The following ZRANB1 variants were observed in gnomAD, a reference collection of about 807,000 sequenced individuals.
ZRANB1 encodes the protein ubiquitin thioesterase ZRANB1.
Under a neutral mutation model 80.5 loss-of-function variants are expected in ZRANB1, and 16 were observed. The observed-to-expected ratio is 0.20, with a 90% CI of 0.13 to 0.30. The LOEUF (loss-of-function observed/expected upper bound fraction) is 0.30, where lower values mean the gene tolerates loss of function less well. Ranked by LOEUF, ZRANB1 falls within the 10% of genes least tolerant of loss-of-function variation. The pLI is 1.00. For synonymous variants in ZRANB1, 291 were observed against 293.1 expected, an observed-to-expected ratio of 0.99 and a Z score of 0.07; for missense variants, 576 against 862.6, an observed-to-expected ratio of 0.67 and a Z score of 4.16.
At chr10:124,929,560 G>A in the ZRANB1 span, among the ~76,000 whole-genome samples, 1 of 151,256 alleles carries the variant, frequency 6.6e-6, no homozygotes, top group Non-Finnish European at 1.5e-5. Flanking sequence ...GGTTGGTCTC[G>A]ATCTCCTGAC....
At chr10:124,928,716 G>A in the ZRANB1 span, among the ~76,000 whole-genome samples, 4 of 152,188 alleles carry the variant, frequency 2.6e-5, no homozygotes, top group Non-Finnish European at 5.9e-5. Flanking sequence ...TTCTATTTAC[G>A]CTCTAGTGTG....
chr10:124,919,479 G>A, the ZRANB1 span, among the ~76,000 whole-genome samples: 1 of 152,110 alleles, frequency 6.6e-6, no homozygotes, highest in East Asian at 2.0e-4. Context: ...CGCCGGAGGC[G>A]GAGGTTGCTG....
At chr10:124,972,628 T>A (rs1376381713) in intron 3 of ZRANB1, among the ~76,000 whole-genome samples, 2 of 152,236 alleles carry the variant, frequency 1.3e-5, no homozygotes, top group Non-Finnish European at 2.9e-5. Context: ...ACTATGTTTG[T>A]GAAGGAACTT....
chr10:124,987,311 GCAAA>G lies in ZRANB1; in HGVS notation c.*2322_*2325del, dbSNP rs372314922. 1.0e-4 allele frequency: 16 copies of G among 152,512 alleles called. No homozygotes were observed. The highest frequency in any genetic ancestry group is 3.4e-4 in the African/African-American group (14 of 41,476). 9.4% of individuals were successfully genotyped at this position (152,512 alleles called of 1,614,324 possible). A position where few individuals can be genotyped will look rare whatever the true frequency, so the allele number is the denominator to read the frequency against. ...TGGACTTGATGGTTCTTTTTCTAGA[GCAAA>G]CAGAGCGTGGCATTTTGTTTTGACT... On this transcript the variant is annotated 3_prime_UTR_variant, in exon 9 of 9. Transcript: ENST00000359653.
chr10:124,977,580 G>A (rs750434204), intron 5 of ZRANB1, among the ~76,000 whole-genome samples: 1 of 151,864 alleles, frequency 6.6e-6, no homozygotes, highest in African/African-American at 2.4e-5. Context: ...GCGTGGTAGT[G>A]TGTGCCTGTA....
chr10:124,942,234 T>G lies in ZRANB1; in HGVS notation c.-260T>G. On this transcript the variant is annotated 5_prime_UTR_variant, in exon 1 of 9. Coordinates refer to ENST00000359653, the MANE Select transcript of ZRANB1 (RefSeq NM_017580.3). Reference sequence around the variant, plus strand: ...GCCTATCTCTTTTGCATTCCAAAGTTCAGTTTTATTAAATCCCAGGGTCTA... The same window carrying G: ...GCCTATCTCTTTTGCATTCCAAAGTGCAGTTTTATTAAATCCCAGGGTCTA... The G allele has an allele frequency of 7.7e-7, 1 of 1,292,570 alleles. No individual in the cohort carries two copies. The highest frequency in any genetic ancestry group is 9.8e-7 in the Non-Finnish European group (1 of 1,017,770). 80.1% of individuals were successfully genotyped at this position (1,292,570 alleles called of 1,614,324 possible). A position where few individuals can be genotyped will look rare whatever the true frequency, so the allele number is the denominator to read the frequency against.
intron 5 of ZRANB1, among the ~76,000 whole-genome samples, chr10:124,978,595 GA>G (rs112925586): frequency 9.2e-5 from 14 of 151,758 alleles, no homozygotes; most frequent in African/African-American, 3.1e-4. Context: ...GTTAATTGGG[GA>G]AAAAAATCAA....
At position 124,955,187 on chromosome 10, in the gene ZRANB1, C is replaced by G. The variant is rs1383189196; in HGVS notation, c.815-11407C>G. 2.6e-5 allele frequency among the ~76,000 whole-genome samples: 4 copies of G among 151,398 alleles called. No individual in the cohort carries two copies. The South Asian group carries it at 8.4e-4, about 32-fold the overall frequency. On this transcript the variant is annotated intron_variant, in intron 1 of 8. Transcript: ENST00000359653. ...AATTGTCCTTTTATTAAAGACAAAA[C>G]AAAAATGGTTCGAGTTAAAAATGTT... is the stretch of plus-strand genomic sequence containing the variant.
chr10:124,918,806 TAGGC>T, the ZRANB1 span, among the ~76,000 whole-genome samples: 3 of 152,364 alleles, frequency 2.0e-5, no homozygotes, highest in South Asian at 6.2e-4. Flanking sequence ...GCTCTAAAGA[TAGGC>T]AGTCTCTTTA....
the ZRANB1 span, among the ~76,000 whole-genome samples, chr10:124,922,465 A>G: frequency 6.7e-6 from 1 of 149,728 alleles, no homozygotes; most frequent in African/African-American, 2.5e-5. Flanking sequence ...AGCTGAGACT[A>G]CAGATGCGTG....
intron 5 of ZRANB1, among the ~76,000 whole-genome samples, chr10:124,976,510 T>C (rs1951876906): frequency 6.6e-6 from 1 of 151,874 alleles, no homozygotes; most frequent in African/African-American, 2.4e-5. Flanking sequence ...AATCTACCAC[T>C]TTGCAGGTTC....
chr10:124,959,842 A>ACT (rs1951719278), intron 1 of ZRANB1, among the ~76,000 whole-genome samples: 1 of 151,832 alleles, frequency 6.6e-6, no homozygotes, highest in Admixed American at 6.6e-5. Context: ...TAGAGGGAGC[A>ACT]ACACTTGAGA....
At chr10:124,984,372 T>C (rs1414884383) in intron 8 of ZRANB1, 4 of 165,198 alleles carry the variant, frequency 2.4e-5, no homozygotes, top group Non-Finnish European at 5.2e-5. Context: ...AAAACGTTTA[T>C]AATCACAACA....
At chr10:124,924,548 G>T in the ZRANB1 span, among the ~76,000 whole-genome samples, 8 of 152,086 alleles carry the variant, frequency 5.3e-5, no homozygotes, top group African/African-American at 1.9e-4. Flanking sequence ...GCCTATTCTG[G>T]ATATGTCGTA....
intron 4 of ZRANB1, 115 bp from the exon 5 acceptor site, chr10:124,974,085 T>C (rs986458456): frequency 1.0e-6 from 1 of 961,072 alleles, no homozygotes; most frequent in Non-Finnish European, 1.5e-6. Context: ...TTTAGGTGTT[T>C]ATTGGTAAAT....
Position 124,943,294 on chromosome 10 carries a change from C to T in ZRANB1, c.801C>T (p.Leu267=). Residue 267 remains leucine (L), a synonymous_variant, in exon 1 of 9, where the codon CTC becomes CTT. Transcript: ENST00000359653. ...NRMKKTDWLF[L]NACVGVVEGD... ...TGAAAAAGACTGATTGGCTCTTCCTCAATGCTTGTGTGGGTAAGTTTCTGT... is the reference window on the plus strand; with the variant it reads ...TGAAAAAGACTGATTGGCTCTTCCTTAATGCTTGTGTGGGTAAGTTTCTGT... 1 of 1,612,624 alleles carries T rather than the reference C, an allele frequency of 6.2e-7. No homozygotes were observed. Among genetic ancestry groups the T allele is most frequent in the Non-Finnish European group, 8.5e-7 (1 of 1,179,172 alleles).
the ZRANB1 span, among the ~76,000 whole-genome samples, chr10:124,917,523 G>A: frequency 2.0e-5 from 3 of 151,994 alleles, no homozygotes; most frequent in South Asian, 4.1e-4. Context: ...ACCGCCGGCC[G>A]CCCGTGGCTG....
At chr10:124,975,982 GT>G (rs2133989339) in intron 5 of ZRANB1, among the ~76,000 whole-genome samples, 1 of 152,346 alleles carries the variant, frequency 6.6e-6, no homozygotes, top group South Asian at 2.1e-4. Flanking sequence ...TCCAGCCTGG[GT>G]GACAGAGTGA....
intron 5 of ZRANB1, among the ~76,000 whole-genome samples, chr10:124,977,031 G>A (rs552351740): frequency 3.8e-4 from 58 of 152,094 alleles, no homozygotes; most frequent in Non-Finnish European, 6.9e-4. Flanking sequence ...GCAGGGGCAC[G>A]ATCTTGGCTC....
Sources: gnomAD v4.1 joint callset for allele counts (sites outside exome capture counted in the v4.1 genomes callset) on GRCh38, gnomAD v4.1.1 for gene constraint, MANE v1.5 for transcripts, NCBI Gene and HGNC (gene_info 2026-07-23, HGNC 2026-07-21) for gene names.